RNF149: variants seen among roughly 807,000 people sequenced by gnomAD.
RNF149 encodes the protein ring finger protein 149.
Under a neutral mutation model 39.0 loss-of-function variants are expected in RNF149, and 21 were observed. That is an observed-to-expected ratio of 0.54 (90% CI 0.38 to 0.77). The LOEUF is 0.77. Ranked by LOEUF, RNF149 falls within the 30% of genes least tolerant of loss-of-function variation. RNF149 has a pLI of 0.00. For missense variants in RNF149, 493 were observed against 534.9 expected, an observed-to-expected ratio of 0.92 and a Z score of 0.77; for synonymous variants, 209 against 213.6, an observed-to-expected ratio of 0.98 and a Z score of 0.19.
intron 5 of RNF149, among the ~76,000 whole-genome samples, chr2:101,282,782 T>C (rs1199906245): frequency 1.3e-5 from 2 of 152,084 alleles, no homozygotes; most frequent in African/African-American, 4.8e-5. Flanking sequence ...TGGCTCAGCA[T>C]CTCACCATTG....
intron 6 of RNF149, among the ~76,000 whole-genome samples, chr2:101,279,165 T>C (rs1020180596): frequency 6.6e-6 from 1 of 152,054 alleles, no homozygotes; most frequent in African/African-American, 2.4e-5. Context: ...AAGAGAAAAA[T>C]AGAATGTGAG....
chr2:101,274,184 C>T (rs910744757), downstream of RNF149, among the ~76,000 whole-genome samples: 3 of 152,108 alleles, frequency 2.0e-5, no homozygotes, highest in African/African-American at 7.2e-5. Flanking sequence ...ATATTCATGC[C>T]ATCTTTCACC....
chr2:101,308,343 C>G lies in RNF149; in HGVS notation c.246G>C (p.Ala82=). The change falls in exon 1 of 7, where the codon GCG becomes GCC. Residue 82 remains alanine, a synonymous_variant. Coordinates refer to ENST00000295317, the MANE Select transcript of RNF149 (RefSeq NM_173647.4). ...GAHGLVGVPW[A]PGGDLEGCAP... is the part of the protein sequence containing the mutation. Reference sequence around the variant, plus strand: ...CGCAGCCCTCGAGGTCTCCGCCGGGCGCCCACGGGACGCCCACCAGGCCAT... The same window carrying G: ...CGCAGCCCTCGAGGTCTCCGCCGGGGGCCCACGGGACGCCCACCAGGCCAT... 1 of 1,598,792 alleles carries G rather than the reference C, an allele frequency of 6.3e-7. No individual in the cohort carries two copies. Among genetic ancestry groups the G allele is most frequent in the Non-Finnish European group, 8.5e-7 (1 of 1,175,300 alleles).
Position 101,286,063 on chromosome 2 carries a change from A to G in RNF149, c.960+18T>C, listed in dbSNP as rs1197690971. ...AGAACTGGGGCAGAGATTGAATATA[A>G]ACAAAAATGTAACAAACCCAATATC... On this transcript the variant is annotated intron_variant, in intron 5 of 6. Transcript: ENST00000295317. 2.0e-6 allele frequency: 3 copies of G among 1,484,224 alleles called. 1 individual carries two copies. The African/African-American group carries it at 4.2e-5, about 21-fold the overall frequency. 91.9% of individuals were successfully genotyped at this position (1,484,224 alleles called of 1,614,324 possible). A position where few individuals can be genotyped will look rare whatever the true frequency, so the allele number is the denominator to read the frequency against.
At chr2:101,303,991 T>C (rs1055994790) in intron 1 of RNF149, among the ~76,000 whole-genome samples, 2 of 152,190 alleles carry the variant, frequency 1.3e-5, no homozygotes, top group African/African-American at 4.8e-5. Flanking sequence ...AACAAACATA[T>C]GTATGTTAAT....
At chr2:101,295,270 T>A (rs1683179332) in intron 1 of RNF149, 89 bp from the exon 2 acceptor site, 6 of 1,108,986 alleles carry the variant, frequency 5.4e-6, no homozygotes, top group Non-Finnish European at 7.7e-6. Flanking sequence ...TATGTTCATC[T>A]ACATATATAA....
intron 1 of RNF149, among the ~76,000 whole-genome samples, chr2:101,306,579 T>G (rs768141362): frequency 6.6e-6 from 1 of 152,212 alleles, no homozygotes; most frequent in Non-Finnish European, 1.5e-5. Context: ...AAGCCTCCAG[T>G]GTTCTGGACT....
At chr2:101,286,963 T>C (rs1307611839) in intron 4 of RNF149, among the ~76,000 whole-genome samples, 1 of 152,210 alleles carries the variant, frequency 6.6e-6, no homozygotes, top group African/African-American at 2.4e-5. Context: ...TGGTAATTGT[T>C]TGGTATTATT....
Position 101,294,933 on chromosome 2 carries a change from G to C in RNF149, c.709C>G (p.Gln237Glu). The C allele has an allele frequency of 1.9e-6, 3 of 1,607,998 alleles. No individual in the cohort carries two copies. The highest frequency in any genetic ancestry group is 2.6e-6 in the Non-Finnish European group (3 of 1,175,210). ...AATTCAGAGTTATCCATCATTACCT[G>C]ACTTCCAATCTGAGAGCCAGTATAT... is the stretch of plus-strand genomic sequence containing the variant. ...FLYTGSQIGS[Q>E]SHRKETKKVI... The change falls in exon 2 of 7, where the codon CAG becomes GAG. Residue 237 changes from glutamine to glutamate, a missense_variant and splice_region_variant. Coordinates refer to ENST00000295317, the MANE Select transcript of RNF149 (RefSeq NM_173647.4).
chr2:101,276,883 A>C lies in RNF149; in HGVS notation c.*355T>G. On this transcript the variant is annotated 3_prime_UTR_variant, in exon 7 of 7. Coordinates refer to ENST00000295317, the MANE Select transcript of RNF149 (RefSeq NM_173647.4). ...TAGTCTAACATTGATGTGCTTTGCC[A>C]AAAACCTTGAAAAATAGAATTAACT... 9.8e-7 allele frequency: 1 copy of C among 1,021,498 alleles called. No homozygotes were observed. Among genetic ancestry groups the C allele is most frequent in the Non-Finnish European group, 1.2e-6 (1 of 849,658 alleles). 63.3% of individuals were successfully genotyped at this position (1,021,498 alleles called of 1,614,324 possible).
intron 1 of RNF149, among the ~76,000 whole-genome samples, chr2:101,300,241 TG>T (rs35779324): frequency 6.6e-6 from 1 of 152,010 alleles, no homozygotes; most frequent in Non-Finnish European, 1.5e-5. Flanking sequence ...AAAATATATT[TG>T]GGATGGTGAC....
At chr2:101,291,895 C>G (rs1225680038) in intron 3 of RNF149, among the ~76,000 whole-genome samples, 1 of 152,178 alleles carries the variant, frequency 6.6e-6, no homozygotes, top group Non-Finnish European at 1.5e-5. Context: ...AGCTGCTCTT[C>G]AGCTTACCAT....
chr2:101,292,972 C>CTTTTTTTTTTTTT (rs34103366), intron 3 of RNF149, among the ~76,000 whole-genome samples: 3 of 130,556 alleles, frequency 2.3e-5, no homozygotes, highest in South Asian at 2.5e-4. Flanking sequence ...GAGATGTGAT[C>CTTTTTTTTTTTTT]TTTTTTTTTT....
In RNF149 at chr2:101,295,107, T is replaced by C; in HGVS notation, c.535A>G (p.Ile179Val). 1 of 1,614,218 alleles carries C rather than the reference T, an allele frequency of 6.2e-7. No homozygotes were observed. Among genetic ancestry groups the C allele is most frequent in the Non-Finnish European group, 8.5e-7 (1 of 1,180,030 alleles). ...ACCCCTATGGTCATCGTTACTGGAATTCCTTTTTGCACCAGCTCCAAAATT... is the reference window on the plus strand; with the variant it reads ...ACCCCTATGGTCATCGTTACTGGAACTCCTTTTTGCACCAGCTCCAAAATT... ...REILELVQKG[I>V]PVTMTIGVGT... The change falls in exon 2 of 7, where the codon ATT becomes GTT. Residue 179 changes from isoleucine to valine, a missense_variant. Physicochemically the swap from Ile to Val is conservative, Grantham distance 29. Coordinates refer to ENST00000295317, the MANE Select transcript of RNF149 (RefSeq NM_173647.4).
intron 1 of RNF149, among the ~76,000 whole-genome samples, chr2:101,304,920 A>G (rs1277642219): frequency 6.7e-6 from 1 of 149,346 alleles, no homozygotes; most frequent in Non-Finnish European, 1.5e-5. Flanking sequence ...GGCTTACTGC[A>G]ACCTCTGCCT....
chr2:101,288,125 G>A (rs1268185548), intron 4 of RNF149, among the ~76,000 whole-genome samples: 7 of 151,718 alleles, frequency 4.6e-5, no homozygotes, highest in Non-Finnish European at 8.8e-5. Flanking sequence ...AGCCTCCTGA[G>A]TAGCTGGGAT....
At chr2:101,306,026 T>A (rs564440962) in intron 1 of RNF149, among the ~76,000 whole-genome samples, 5 of 152,144 alleles carry the variant, frequency 3.3e-5, no homozygotes, top group African/African-American at 1.2e-4. Flanking sequence ...TGGACACCGA[T>A]AATGGGAAGA....
chr2:101,286,035 G>A (rs1682779677), intron 5 of RNF149, 46 bp downstream of exon 5: 2 of 1,099,692 alleles, frequency 1.8e-6, no homozygotes, highest in South Asian at 2.6e-5. Context: ...GAATCACTCA[G>A]GAAGAACTGG....
chr2:101,306,415 G>A (rs902711523), intron 1 of RNF149, among the ~76,000 whole-genome samples: 1 of 152,126 alleles, frequency 6.6e-6, no homozygotes, highest in Non-Finnish European at 1.5e-5. Flanking sequence ...TTGTGCAAAC[G>A]CAGCCTGGGT....
Sources: gnomAD v4.1 joint callset for allele counts (sites outside exome capture counted in the v4.1 genomes callset) on GRCh38, gnomAD v4.1.1 for gene constraint, MANE v1.5 for transcripts, NCBI Gene and HGNC (gene_info 2026-07-23, HGNC 2026-07-21) for gene names.